The following GALNT7 variants were observed in gnomAD, a reference collection of about 807,000 sequenced individuals.
The protein encoded by GALNT7 is polypeptide N-acetylgalactosaminyltransferase 7.
Under a neutral mutation model 82.1 loss-of-function variants are expected in GALNT7, and 60 were observed. The ratio of observed to expected loss-of-function variants is 0.73; its 90% CI spans 0.59 to 0.91. The LOEUF is 0.91. GALNT7 is among the 40% of genes least tolerant of loss of function. The probability of loss-of-function intolerance (pLI) is 0.00; values close to 1 mark genes in which losing one functional copy is unlikely to be tolerated. For synonymous variants in GALNT7, 243 were observed against 275.1 expected, an observed-to-expected ratio of 0.88 and a Z score of 1.15; for missense variants, 660 against 804.2, an observed-to-expected ratio of 0.82 and a Z score of 2.17.
At chr4:173,210,478 G>A (rs1733243361) in intron 1 of GALNT7, among the ~76,000 whole-genome samples, 1 of 152,062 alleles carries the variant, frequency 6.6e-6, no homozygotes, top group South Asian at 2.1e-4. Flanking sequence ...TTTGGAAACA[G>A]GGTCTTGCTC....
At chr4:173,200,444 T>C (rs902940101) in intron 1 of GALNT7, among the ~76,000 whole-genome samples, 5 of 151,534 alleles carry the variant, frequency 3.3e-5, no homozygotes, top group African/African-American at 1.2e-4. Context: ...TATGGGATTC[T>C]ACTCTTAAAA....
intron 2 of GALNT7, among the ~76,000 whole-genome samples, chr4:173,253,026 C>A (rs1369215064): frequency 6.6e-6 from 1 of 151,958 alleles, no homozygotes; most frequent in Non-Finnish European, 1.5e-5. Context: ...ATGGTAAAAC[C>A]CCATCTCTAC....
At chr4:173,264,801 G>A (rs943512627) in intron 2 of GALNT7, among the ~76,000 whole-genome samples, 6 of 152,198 alleles carry the variant, frequency 3.9e-5, no homozygotes, top group African/African-American at 1.4e-4. Context: ...AGCAGCTGGT[G>A]TGCAGCTGTT....
chr4:173,214,283 C>T (rs1220469745), intron 1 of GALNT7, among the ~76,000 whole-genome samples: 1 of 148,576 alleles, frequency 6.7e-6, no homozygotes, highest in Non-Finnish European at 1.5e-5. Flanking sequence ...AAATACAAAG[C>T]TCTTTAAAAA....
intron 1 of GALNT7, among the ~76,000 whole-genome samples, chr4:173,208,689 TCC>T: frequency 6.6e-6 from 1 of 152,326 alleles, no homozygotes; most frequent in Admixed American, 6.5e-5. Flanking sequence ...GCCCGTCTCT[TCC>T]CTGTTACAAG....
intron 4 of GALNT7, 73 bp from the exon 5 acceptor site, chr4:173,295,691 A>T: frequency 8.8e-7 from 1 of 1,140,220 alleles, no homozygotes; most frequent in Non-Finnish European, 1.3e-6. Context: ...ATTAGCATCT[A>T]ATTTTAAATT....
intron 2 of GALNT7, among the ~76,000 whole-genome samples, chr4:173,267,079 T>A (rs563884929): frequency 4.6e-5 from 7 of 152,150 alleles, no homozygotes; most frequent in African/African-American, 1.7e-4. Flanking sequence ...AAAAGAATAT[T>A]TGGGATGTTC....
intron 1 of GALNT7, among the ~76,000 whole-genome samples, chr4:173,211,348 G>A (rs1281538588): frequency 2.0e-5 from 3 of 152,176 alleles, no homozygotes; most frequent in African/African-American, 7.2e-5. Flanking sequence ...GTACATAGGT[G>A]ATATTGACAA....
At chr4:173,224,510 A>G (rs1733741258) in intron 1 of GALNT7, among the ~76,000 whole-genome samples, 1 of 152,206 alleles carries the variant, frequency 6.6e-6, no homozygotes, top group Non-Finnish European at 1.5e-5. Context: ...GCAAGGAAAT[A>G]TGTGTATTTC....
chr4:173,233,952 A>G (rs1280451719), intron 1 of GALNT7, among the ~76,000 whole-genome samples: 1 of 152,144 alleles, frequency 6.6e-6, no homozygotes. Context: ...TCTTGTTTGT[A>G]TCGTTTCCAC....
In GALNT7 at chr4:173,222,329, A is replaced by G. The variant is rs539729178; in HGVS notation, c.127-25651A>G. Reference sequence around the variant, plus strand: ...GCTCTGACCCCCAGGCTGGAGTGCAATGACGTGATGTCGGCTCACTGCAAC... The same window carrying G: ...GCTCTGACCCCCAGGCTGGAGTGCAGTGACGTGATGTCGGCTCACTGCAAC... On this transcript the variant is annotated intron_variant, in intron 1 of 11. Transcript: ENST00000265000. 5.3e-3 allele frequency among the ~76,000 whole-genome samples: 799 copies of G among 152,166 alleles called. 9 individuals carry two copies. Among genetic ancestry groups the G allele is most frequent in the African/African-American group, 0.018 (766 of 41,520 alleles).
intron 1 of GALNT7, among the ~76,000 whole-genome samples, chr4:173,175,733 G>GTTAC (rs901794954): frequency 6.6e-6 from 1 of 152,146 alleles, no homozygotes; most frequent in African/African-American, 2.4e-5. Flanking sequence ...TTTGTTGCAG[G>GTTAC]GTGTAACCCC....
intron 1 of GALNT7, among the ~76,000 whole-genome samples, chr4:173,188,807 C>G (rs1732533301): frequency 6.6e-6 from 1 of 152,156 alleles, no homozygotes; most frequent in Non-Finnish European, 1.5e-5. Context: ...GAGTCCATAC[C>G]GATATATCTG....
chr4:173,179,867 A>G (rs1290036795), intron 1 of GALNT7, among the ~76,000 whole-genome samples: 1 of 152,252 alleles, frequency 6.6e-6, no homozygotes, highest in Non-Finnish European at 1.5e-5. Flanking sequence ...TGATGCGTGA[A>G]GTTCTCTAGA....
intron 2 of GALNT7, among the ~76,000 whole-genome samples, chr4:173,253,944 C>CT (rs1396844508): frequency 6.6e-6 from 1 of 152,240 alleles, no homozygotes. Context: ...TATTCTTACC[C>CT]TTTTTTTCTG....
At chr4:173,169,964 C>T (rs1315491997) in intron 1 of GALNT7, among the ~76,000 whole-genome samples, 2 of 152,098 alleles carry the variant, frequency 1.3e-5, no homozygotes, top group South Asian at 2.1e-4. Context: ...CCGCCCAGGG[C>T]GCGAGTGTTA....
At chr4:173,260,458 G>A (rs367700325) in intron 2 of GALNT7, among the ~76,000 whole-genome samples, 36 of 152,262 alleles carry the variant, frequency 2.4e-4, no homozygotes, top group African/African-American at 8.7e-4. Context: ...TTTGGTGATA[G>A]GTTATAGAAG....
intron 2 of GALNT7, among the ~76,000 whole-genome samples, chr4:173,265,011 A>T (rs1018434986): frequency 3.3e-5 from 5 of 152,236 alleles, no homozygotes; most frequent in Admixed American, 2.6e-4. Context: ...TGATCCCAGC[A>T]CTTTAGCAAC....
chr4:173,259,934 G>A (rs529477489), intron 2 of GALNT7, among the ~76,000 whole-genome samples: 4 of 152,124 alleles, frequency 2.6e-5, no homozygotes, highest in African/African-American at 4.8e-5. Context: ...CACCATGCCC[G>A]GCCCATTTCT....
Sources: allele counts gnomAD v4.1 joint callset (sites outside exome capture counted in the v4.1 genomes callset), GRCh38; gene constraint gnomAD v4.1.1; transcripts MANE v1.5; gene names NCBI Gene and HGNC (gene_info 2026-07-23, HGNC 2026-07-21).